Variants in FBXO34 observed in about 807,000 individuals in gnomAD.
The protein encoded by FBXO34 is F-box protein 34, also known as F-box only protein 34.
In FBXO34, 12 loss-of-function variants were observed where a neutral mutation model predicts 24.5. That is an observed-to-expected ratio of 0.49 (90% CI 0.31 to 0.79). The LOEUF is 0.79. FBXO34 is among the 30% of genes least tolerant of loss of function. The pLI, the probability that FBXO34 is intolerant of heterozygous loss-of-function variation, is 0.04. For missense variants in FBXO34, 823 were observed against 857.7 expected (o/e 0.96, Z 0.51); for synonymous variants, 320 against 311.9 (o/e 1.03, Z -0.27).
downstream of FBXO34, among the ~76,000 whole-genome samples, chr14:55,366,110 G>GGTCA: frequency 6.6e-6 from 1 of 152,236 alleles, no homozygotes. Flanking sequence ...CACAAAACCA[G>GGTCA]GTCATTGTAG....
intron 1 of FBXO34, among the ~76,000 whole-genome samples, chr14:55,289,067 T>C (rs746273642): frequency 4.6e-5 from 7 of 151,938 alleles, no homozygotes; most frequent in Non-Finnish European, 1.0e-4. Flanking sequence ...ACAAAAAAAG[T>C]ATATGTAATA....
chr14:55,411,859 G>T, the FBXO34 span: 1 of 1,538,184 alleles, frequency 6.5e-7, no homozygotes. Flanking sequence ...GTGGGATTTT[G>T]TTTTCAACCG....
chr14:55,368,043 G>A (rs903331327), exon 3 of FBXO34: 1 of 152,590 alleles, frequency 6.6e-6, no homozygotes, highest in Non-Finnish European at 1.5e-5. Flanking sequence ...AATAATGCCT[G>A]TTAGGACTCT....
At chr14:55,348,666 G>C (rs1261776150) in intron 1 of FBXO34, among the ~76,000 whole-genome samples, 3 of 152,136 alleles carry the variant, frequency 2.0e-5, no homozygotes, top group African/African-American at 7.2e-5. Context: ...ACCATGCCTG[G>C]CTCCTATTTC....
At chr14:55,342,620 G>C (rs1200307052) in intron 1 of FBXO34, among the ~76,000 whole-genome samples, 4 of 152,138 alleles carry the variant, frequency 2.6e-5, no homozygotes, top group Non-Finnish European at 5.9e-5. Context: ...CATGGAGGGG[G>C]AAGTCTTTTC....
chr14:55,363,471 G>A (rs1216016804), downstream of FBXO34, among the ~76,000 whole-genome samples: 4 of 151,642 alleles, frequency 2.6e-5, no homozygotes, highest in Non-Finnish European at 4.4e-5. Flanking sequence ...GGGATTACAG[G>A]TGCCCACCAC....
the FBXO34 span, chr14:55,411,995 C>T: frequency 3.2e-6 from 2 of 623,964 alleles, no homozygotes; most frequent in Non-Finnish European, 5.6e-6. Context: ...TGCTGAGGGG[C>T]AACAGGTCCC....
At chr14:55,388,097 A>G in the FBXO34 span, among the ~76,000 whole-genome samples, 1 of 152,112 alleles carries the variant, frequency 6.6e-6, no homozygotes, top group Non-Finnish European at 1.5e-5. Context: ...AGATCGTGCC[A>G]CTGCACTCCA....
At chr14:55,391,490 A>G in the FBXO34 span, among the ~76,000 whole-genome samples, 1 of 151,154 alleles carries the variant, frequency 6.6e-6, no homozygotes, top group African/African-American at 2.4e-5. Flanking sequence ...AAAAAAAAAA[A>G]GGAAAGGGAA....
the FBXO34 span, among the ~76,000 whole-genome samples, chr14:55,405,329 CTTCCTCATCCTTTATCCCA>C: frequency 6.6e-6 from 1 of 152,184 alleles, no homozygotes; most frequent in Non-Finnish European, 1.5e-5. Context: ...ATTTAAATTT[CTTCCTCATCCTTTATCCCA>C]TTTCTCAATT....
chr14:55,365,262 C>T (rs974296343), downstream of FBXO34, among the ~76,000 whole-genome samples: 2 of 150,884 alleles, frequency 1.3e-5, no homozygotes, highest in Non-Finnish European at 1.5e-5. Context: ...TGGGGTCTCA[C>T]TATGTTGCGC....
At chr14:55,299,313 T>C in intron 1 of FBXO34, 1 of 592,206 alleles carries the variant, frequency 1.7e-6, no homozygotes, top group Non-Finnish European at 3.2e-6. Flanking sequence ...TCCATCGCTC[T>C]CGACTCTCAC....
chr14:55,338,781 C>G (rs981042859), intron 1 of FBXO34, among the ~76,000 whole-genome samples: 1 of 152,070 alleles, frequency 6.6e-6, no homozygotes, highest in Non-Finnish European at 1.5e-5. Flanking sequence ...TGGCAGGCGC[C>G]TCTAGTCCCA....
chr14:55,390,847 T>A, the FBXO34 span: 1 of 1,157,258 alleles, frequency 8.6e-7, no homozygotes, highest in Non-Finnish European at 1.3e-6. Context: ...CTCTAGTTTA[T>A]TAATCCCATG....
intron 1 of FBXO34, among the ~76,000 whole-genome samples, chr14:55,275,890 G>C (rs180843390): frequency 1.3e-5 from 2 of 150,348 alleles, no homozygotes; most frequent in African/African-American, 2.4e-5. Flanking sequence ...TTAGTTAAAG[G>C]TCAATTTAAG....
intron 1 of FBXO34, among the ~76,000 whole-genome samples, chr14:55,288,393 C>A (rs1881833635): frequency 6.6e-6 from 1 of 152,004 alleles, no homozygotes; most frequent in Non-Finnish European, 1.5e-5. Flanking sequence ...AAAAAATAGT[C>A]CAAGACTTGG....
rs1882644062 is a variant in FBXO34 at position 55,308,956 on chromosome 14, C to CGT, written c.-11+37419_-11+37420insGT. Reference sequence around the variant, plus strand: ...AGAAATCACAGCTATTTTCTTATTACAGTGTAGTTCTTGCAGACATCATGA... The same window carrying CGT: ...AGAAATCACAGCTATTTTCTTATTACGTAGTGTAGTTCTTGCAGACATCATGA... On this transcript the variant is annotated intron_variant, in intron 1 of 1. Transcript: ENST00000313833. Among the ~76,000 whole-genome samples the CGT allele has an allele frequency of 3.3e-5, 5 of 152,162 alleles. No homozygotes were observed. In the South Asian group the frequency reaches 1.0e-3, roughly 31 times the overall value.
At chr14:55,289,500 G>T (rs17672950) in intron 1 of FBXO34, among the ~76,000 whole-genome samples, 1 of 151,842 alleles carries the variant, frequency 6.6e-6, no homozygotes, top group Non-Finnish European at 1.5e-5. Flanking sequence ...CTATTCTTCC[G>T]GTATACGATT....
intron 1 of FBXO34, among the ~76,000 whole-genome samples, chr14:55,311,123 T>C (rs984389400): frequency 2.0e-5 from 3 of 152,178 alleles, no homozygotes; most frequent in Non-Finnish European, 4.4e-5. Flanking sequence ...TGACTCACAG[T>C]TCCACATGAC....
Sources: allele counts gnomAD v4.1 joint callset (sites outside exome capture counted in the v4.1 genomes callset), GRCh38; gene constraint gnomAD v4.1.1; transcripts MANE v1.5; gene names NCBI Gene and HGNC (gene_info 2026-07-23, HGNC 2026-07-21).